C14orf132: variants seen among roughly 807,000 people sequenced by gnomAD.
C14orf132 encodes chromosome 14 open reading frame 132.
A neutral mutation model predicts 5.8 loss-of-function variants in C14orf132; 6 were observed. The ratio of observed to expected loss-of-function variants is 1.03; its 90% confidence interval spans 0.57 to 2.04. C14orf132 has a LOEUF of 2.04. Ranked by LOEUF, C14orf132 falls within the 30% of genes most tolerant of loss-of-function variation. C14orf132 has a pLI of 0.00. For synonymous variants in C14orf132, 51 were observed against 49.8 expected, an observed-to-expected ratio of 1.02 and a Z score of -0.10; for missense variants, 125 against 115.8, an observed-to-expected ratio of 1.08 and a Z score of -0.37.
At chr14:96,080,887 A>G (rs1205134776) in intron 1 of C14orf132, among the ~76,000 whole-genome samples, 2 of 152,184 alleles carry the variant, frequency 1.3e-5, no homozygotes, top group Non-Finnish European at 2.9e-5. Flanking sequence ...CACGGCCACA[A>G]CTGATTATAA....
chr14:96,072,491 T>A (rs1887744353), intron 1 of C14orf132, among the ~76,000 whole-genome samples: 1 of 152,244 alleles, frequency 6.6e-6, no homozygotes, highest in Non-Finnish European at 1.5e-5. Context: ...CCAGGTGTGC[T>A]TTTGATTTAC....
At chr14:96,064,782 T>C (rs1474335144) in intron 1 of C14orf132, among the ~76,000 whole-genome samples, 1 of 152,000 alleles carries the variant, frequency 6.6e-6, no homozygotes, top group African/African-American at 2.4e-5. Flanking sequence ...AACTTACTCA[T>C]GCAACCACAA....
intron 1 of C14orf132, among the ~76,000 whole-genome samples, chr14:96,084,889 G>GT (rs1169888315): frequency 4.6e-5 from 7 of 152,214 alleles, no homozygotes; most frequent in Non-Finnish European, 7.4e-5. Context: ...GGGCCACCTG[G>GT]TGACCTGGTA....
At chr14:96,086,394 G>A in intron 1 of C14orf132, 117 bp from the exon 2 acceptor site, 4 of 848,478 alleles carry the variant, frequency 4.7e-6, no homozygotes, top group Non-Finnish European at 7.3e-6. Context: ...CATTTTGCAG[G>A]TGCAGTAGAG....
intron 1 of C14orf132, among the ~76,000 whole-genome samples, chr14:96,078,483 C>T (rs985006931): frequency 3.5e-4 from 54 of 152,326 alleles, no homozygotes; most frequent in Admixed American, 1.6e-3. Context: ...CTTCCTTCCC[C>T]GAGCCAGCTG....
At chr14:96,048,338 A>C (rs540926208) in intron 1 of C14orf132, among the ~76,000 whole-genome samples, 1 of 152,126 alleles carries the variant, frequency 6.6e-6, no homozygotes, top group Non-Finnish European at 1.5e-5. Context: ...TCTGGGCTGC[A>C]TGTATTTGCC....
At chr14:96,066,287 G>T (rs574802528) in intron 1 of C14orf132, among the ~76,000 whole-genome samples, 1 of 152,160 alleles carries the variant, frequency 6.6e-6, no homozygotes, top group African/African-American at 2.4e-5. Context: ...TTCTGTCCCC[G>T]CAGGGCAAGT....
chr14:96,062,728 A>G (rs1306071456), intron 1 of C14orf132, among the ~76,000 whole-genome samples: 1 of 152,136 alleles, frequency 6.6e-6, no homozygotes, highest in Non-Finnish European at 1.5e-5. Context: ...CATTTCAGCA[A>G]CTGGAACCCA....
chr14:96,058,395 T>C (rs1428022410), intron 1 of C14orf132, among the ~76,000 whole-genome samples: 2 of 152,112 alleles, frequency 1.3e-5, no homozygotes, highest in Non-Finnish European at 2.9e-5. Context: ...TCCCCCTTCT[T>C]TTAAGAATCT....
chr14:96,083,554 G>A (rs1000177444), intron 1 of C14orf132, among the ~76,000 whole-genome samples: 6 of 152,154 alleles, frequency 3.9e-5, no homozygotes, highest in Admixed American at 1.3e-4. Context: ...TGGAAGATGA[G>A]AGAGAGAGAT....
intron 1 of C14orf132, among the ~76,000 whole-genome samples, chr14:96,060,548 G>T (rs72702871): frequency 6.6e-6 from 1 of 151,990 alleles, no homozygotes; most frequent in Non-Finnish European, 1.5e-5. Flanking sequence ...CCTCATTCTC[G>T]TGCTACCATC....
chr14:96,092,769 G>A lies in C14orf132; in HGVS notation c.*6034G>A, dbSNP rs1240622784. ...ACACCTAACTATCGAGTTTTCACTA[G>A]GAGACTTAGTGGTGGCTTTCATGAG... On this transcript the variant is annotated 3_prime_UTR_variant, in exon 2 of 2. Transcript: ENST00000555004. The A allele has an allele frequency of 6.6e-6, 1 of 152,212 alleles. No homozygotes were observed. The highest frequency in any genetic ancestry group is 1.5e-5 in the Non-Finnish European group (1 of 68,056). The allele number at this position is 152,212 out of a possible 1,614,324, so 9.4% of individuals were successfully genotyped here.
intron 1 of C14orf132, among the ~76,000 whole-genome samples, chr14:96,079,133 G>A (rs1292424110): frequency 6.6e-6 from 1 of 152,176 alleles, no homozygotes; most frequent in East Asian, 1.9e-4. Context: ...GGAGTCATGG[G>A]GCCAGGCAGC....
Position 96,087,011 on chromosome 14 carries a change from G to A in C14orf132, c.*276G>A. On this transcript the variant is annotated 3_prime_UTR_variant, in exon 2 of 2. Coordinates refer to ENST00000555004, the MANE Select transcript of C14orf132 (RefSeq NM_001252507.3). Reference sequence around the variant, plus strand: ...TGGGGATCCTTGAAACTACATTCCAGGAACATGGGACCAGATGAGACAGCT... The same window carrying A: ...TGGGGATCCTTGAAACTACATTCCAAGAACATGGGACCAGATGAGACAGCT... 1 of 506,648 alleles carries A rather than the reference G, an allele frequency of 2.0e-6. No homozygotes were observed. Among genetic ancestry groups the A allele is most frequent in the Non-Finnish European group, 3.5e-6 (1 of 282,834 alleles). The allele number at this position is 506,648 out of a possible 1,614,324, so 31.4% of individuals were successfully genotyped here. A position where few individuals can be genotyped will look rare whatever the true frequency, so the allele number is the denominator to read the frequency against.
intron 1 of C14orf132, among the ~76,000 whole-genome samples, chr14:96,082,322 C>T (rs1793798899): frequency 6.6e-6 from 1 of 152,216 alleles, no homozygotes; most frequent in African/African-American, 2.4e-5. Flanking sequence ...TCATCACCTG[C>T]TTCCAGGATG....
chr14:96,086,664 C>A lies in C14orf132; in HGVS notation c.181C>A (p.Leu61Ile), dbSNP rs1339856475. ...PPRSSNDAVL[L>I]WIAIIATLGN... ...TCGGTCCTCCAACGACGCCGTCTTG[C>A]TATGGATTGCCATCATAGCTACGCT... Residue 61 changes from leucine to isoleucine, a missense_variant, in exon 2 of 2, where the codon CTA (leucine) becomes ATA (isoleucine). Leu to Ile is a conservative substitution (Grantham distance 5). Transcript: ENST00000555004. The A allele has an allele frequency of 3.3e-6, 5 of 1,536,078 alleles. No individual in the cohort carries two copies. The South Asian group carries it at 5.9e-5, about 18-fold the overall frequency.
intron 1 of C14orf132, among the ~76,000 whole-genome samples, 189 bp from the exon 2 acceptor site, chr14:96,086,322 G>A (rs1398478808): frequency 6.6e-6 from 1 of 152,108 alleles, no homozygotes; most frequent in African/African-American, 2.4e-5. Flanking sequence ...GCCTCAAAAG[G>A]CTGCTGTGAA....
intron 1 of C14orf132, among the ~76,000 whole-genome samples, chr14:96,086,276 T>A (rs1888181906): frequency 6.6e-6 from 1 of 152,160 alleles, no homozygotes; most frequent in Non-Finnish European, 1.5e-5. Context: ...GTGAGTTCCT[T>A]GATGCTTTCA....
intron 1 of C14orf132, among the ~76,000 whole-genome samples, chr14:96,069,612 AGGCTTTTGAAGGCTTCAGCCTCCTGCACT>A (rs1887645511): frequency 6.6e-6 from 1 of 152,020 alleles, no homozygotes; most frequent in Non-Finnish European, 1.5e-5. Flanking sequence ...GGCAGGCAGG[AGGCTTTTGAAGGCTTCAGCCTCCTGCACT>A]GGCTTCAAAG....
Sources: allele counts gnomAD v4.1 joint callset (sites outside exome capture counted in the v4.1 genomes callset), GRCh38; gene constraint gnomAD v4.1.1; transcripts MANE v1.5; gene names NCBI Gene and HGNC (gene_info 2026-07-23, HGNC 2026-07-21).